Variants in TBC1D5 observed in about 807,000 individuals in gnomAD.
TBC1D5 encodes TBC1 domain family, member 5.
A neutral mutation model predicts 100.3 loss-of-function variants in TBC1D5; 75 were observed. The observed-to-expected ratio is 0.75, with a 90% CI of 0.62 to 0.91. The LOEUF is 0.91. TBC1D5 is among the 40% of genes least tolerant of loss of function. TBC1D5 has a pLI of 0.00. For synonymous variants in TBC1D5, 323 were observed against 325.6 expected (o/e 0.99, Z 0.09); for missense variants, 910 against 942.4 (o/e 0.97, Z 0.45).
chr3:17,645,026 G>A lies in TBC1D5; in HGVS notation c.-100-21113C>T, dbSNP rs1462742505. Among the ~76,000 whole-genome samples the A allele has an allele frequency of 2.6e-5, 4 of 152,200 alleles. 1 individual carries two copies. The South Asian group carries it at 6.2e-4, about 24-fold the overall frequency. On this transcript the variant is annotated intron_variant, in intron 1 of 21. Coordinates refer to ENST00000253692, the Ensembl canonical transcript of TBC1D5. Reference sequence around the variant, plus strand: ...TTAACTATTAAACGGGGTCACTGGGGAAGTTGTGGTAGTCATTTTCTGACA... The same window carrying A: ...TTAACTATTAAACGGGGTCACTGGGAAAGTTGTGGTAGTCATTTTCTGACA...
At chr3:17,528,208 AG>A (rs1185321076) in intron 2 of TBC1D5, among the ~76,000 whole-genome samples, 1 of 152,128 alleles carries the variant, frequency 6.6e-6, no homozygotes, top group East Asian at 1.9e-4. Context: ...TACAGGCGTG[AG>A]CCACCGTACC....
intron 13 of TBC1D5, among the ~76,000 whole-genome samples, chr3:17,357,699 G>A (rs990992133): frequency 2.6e-5 from 4 of 152,188 alleles, no homozygotes; most frequent in Admixed American, 1.3e-4. Flanking sequence ...CTATGCAACA[G>A]GCACTGTTTT....
Position 17,166,926 on chromosome 3 carries a change from G to C in TBC1D5, c.1935C>G (p.Ile645Met), listed in dbSNP as rs775989986. 5 of 1,594,780 alleles carry C rather than the reference G, an allele frequency of 3.1e-6. No homozygotes were observed. In the East Asian group the frequency reaches 9.0e-5, roughly 29 times the overall value. Residue 645 changes from isoleucine (I) to methionine (M), a missense_variant and splice_region_variant, in exon 21 of 22, where the codon ATC (isoleucine) becomes ATG (methionine). Ile to Met is a conservative substitution (Grantham distance 10). Transcript: ENST00000253692. The stretch of plus-strand genomic sequence containing the variant: ...GCAGGGAACCTTTTAGAATGTCTTT[G>C]ATCTATTTTCAAAGAAGAAGAAAAT...
chr3:17,638,866 T>A (rs2064223893), intron 1 of TBC1D5, among the ~76,000 whole-genome samples: 1 of 152,066 alleles, frequency 6.6e-6, no homozygotes, highest in Non-Finnish European at 1.5e-5. Context: ...CAGACAATAA[T>A]AAATACTGAC....
intron 1 of TBC1D5, among the ~76,000 whole-genome samples, chr3:17,647,716 C>A (rs980546986): frequency 2.0e-5 from 3 of 152,036 alleles, no homozygotes; most frequent in Non-Finnish European, 4.4e-5. Flanking sequence ...TTAAGCCCAT[C>A]GTAAACTTTT....
intron 2 of TBC1D5, 32 bp from the exon 3 acceptor site, chr3:17,508,637 T>G (rs1228044100): frequency 1.8e-6 from 2 of 1,091,720 alleles, no homozygotes; most frequent in African/African-American, 3.1e-5. Context: ...AGAAAAATAA[T>G]AAATTCTTTT....
At position 17,630,076 on chromosome 3, in the gene TBC1D5, T is replaced by C. The variant is rs565818009; in HGVS notation, c.-100-6163A>G. Among the ~76,000 whole-genome samples, 12 of 152,288 alleles carry C rather than the reference T, an allele frequency of 7.9e-5. No individual in the cohort carries two copies. In the South Asian group the frequency reaches 2.3e-3, roughly 29 times the overall value. ...CCCACACACAGCTAACTAGCACATG[T>C]TTTTGACACGAAATCAGTTTCCCCA... On this transcript the variant is annotated intron_variant, in intron 1 of 21. Coordinates refer to ENST00000253692, the Ensembl canonical transcript of TBC1D5.
At chr3:17,563,978 T>G (rs893707272) in intron 2 of TBC1D5, among the ~76,000 whole-genome samples, 1 of 152,146 alleles carries the variant, frequency 6.6e-6, no homozygotes, top group East Asian at 1.9e-4. Context: ...GAGACGGGGT[T>G]TCACCGTGTT....
intron 4 of TBC1D5, among the ~76,000 whole-genome samples, chr3:17,418,642 A>C (rs1365573932): frequency 6.6e-6 from 1 of 152,134 alleles, no homozygotes; most frequent in Non-Finnish European, 1.5e-5. Context: ...TTTAAACTTT[A>C]GTACTATCAA....
chr3:17,474,819 G>A (rs1323587867), intron 3 of TBC1D5, among the ~76,000 whole-genome samples: 2 of 152,106 alleles, frequency 1.3e-5, no homozygotes, highest in African/African-American at 4.8e-5. Context: ...CAAATGGAAT[G>A]CCGGAAGGAT....
chr3:17,281,905 AGTTTT>A (rs1412686911), intron 15 of TBC1D5, among the ~76,000 whole-genome samples: 1 of 152,190 alleles, frequency 6.6e-6, no homozygotes, highest in African/African-American at 2.4e-5. Context: ...TTGTTCTGTC[AGTTTT>A]AAGTTTATAA....
rs372963212 is a variant in TBC1D5, at chr3:17,737,635, T to A, written c.-101+1708A>T. ...TAGCAGAATTTTCTTTAGACATACA[T>A]ACACACTACTCTTCCATAAAGTATC... On this transcript the variant is annotated intron_variant, in intron 1 of 21. Transcript: ENST00000253692. Among the ~76,000 whole-genome samples the A allele has an allele frequency of 2.0e-5, 3 of 152,276 alleles. No homozygotes were observed. In the South Asian group the frequency reaches 6.2e-4, roughly 32 times the overall value.
At chr3:17,547,068 A>C (rs1436753573) in intron 2 of TBC1D5, 2 of 152,184 alleles carry the variant, frequency 1.3e-5, no homozygotes, top group African/African-American at 4.8e-5. Flanking sequence ...AATCAACAGC[A>C]GCAGGGGGCT....
At chr3:17,637,205 T>C (rs1390689925) in intron 1 of TBC1D5, among the ~76,000 whole-genome samples, 3 of 141,042 alleles carry the variant, frequency 2.1e-5, no homozygotes, top group African/African-American at 7.9e-5. Flanking sequence ...TTTTTTTTTT[T>C]TTTTTTTTTT....
At chr3:17,555,427 G>A (rs945234235) in intron 2 of TBC1D5, among the ~76,000 whole-genome samples, 3 of 152,124 alleles carry the variant, frequency 2.0e-5, no homozygotes, top group Non-Finnish European at 4.4e-5. Flanking sequence ...AAAGCAAAGG[G>A]GGCTTCCAGG....
At chr3:17,463,747 C>T (rs2095254010) in intron 3 of TBC1D5, among the ~76,000 whole-genome samples, 1 of 152,066 alleles carries the variant, frequency 6.6e-6, no homozygotes, top group African/African-American at 2.4e-5. Flanking sequence ...TGCCTCATCC[C>T]AGTTTCGGCC....
chr3:17,237,436 C>T lies in TBC1D5; in HGVS notation c.1588+727G>A, dbSNP rs79313872. On this transcript the variant is annotated intron_variant, in intron 17 of 21. Transcript: ENST00000253692. ...AGGTTCAGAGTAAGAACCTGAAGTG[C>T]TCTCTTATGAATACAAAACATGAGG... Among the ~76,000 whole-genome samples the T allele has an allele frequency of 4.4e-3, 673 of 152,256 alleles. 10 individuals are homozygous for T. In the East Asian group the frequency reaches 0.06, roughly 14 times the overall value.
At chr3:17,301,570 T>C (rs938678231) in intron 14 of TBC1D5, among the ~76,000 whole-genome samples, 5 of 152,162 alleles carry the variant, frequency 3.3e-5, no homozygotes, top group South Asian at 2.1e-4. Flanking sequence ...GTGGTTCTGG[T>C]ACCAAGGAAG....
intron 13 of TBC1D5, among the ~76,000 whole-genome samples, chr3:17,331,122 A>T (rs574307974): frequency 6.6e-6 from 1 of 152,102 alleles, no homozygotes; most frequent in Non-Finnish European, 1.5e-5. Flanking sequence ...TCCTGGGACA[A>T]CCTTGTTTAC....
Sources: allele counts gnomAD v4.1 joint callset (sites outside exome capture counted in the v4.1 genomes callset), GRCh38; gene constraint gnomAD v4.1.1; transcripts MANE v1.5; gene names NCBI Gene and HGNC (gene_info 2026-07-23, HGNC 2026-07-21).